MBNL2: variants seen among roughly 807,000 people sequenced by gnomAD.
The protein encoded by MBNL2 is muscleblind-like protein 2.
Under a neutral mutation model 41.9 loss-of-function variants are expected in MBNL2, and 17 were observed. The observed-to-expected ratio is 0.41, with a 90% CI of 0.28 to 0.61. The LOEUF (loss-of-function observed/expected upper bound fraction) is 0.61, where lower values mean the gene tolerates loss of function less well. MBNL2 is among the 20% of genes least tolerant of loss of function. MBNL2 has a pLI of 0.35. For missense variants in MBNL2, 336 were observed against 505.6 expected, an observed-to-expected ratio of 0.66 and a Z score of 3.22; for synonymous variants, 195 against 182.9, an observed-to-expected ratio of 1.07 and a Z score of -0.53.
At chr13:97,187,863 C>T in the MBNL2 span, among the ~76,000 whole-genome samples, 12 of 149,930 alleles carry the variant, frequency 8.0e-5, no homozygotes, top group Admixed American at 6.0e-4. Context: ...GAGCTGAGAT[C>T]GCGCCACCGC....
At chr13:97,293,510 A>C (rs1000268880) in intron 2 of MBNL2, among the ~76,000 whole-genome samples, 1 of 152,232 alleles carries the variant, frequency 6.6e-6, no homozygotes, top group Admixed American at 6.5e-5. Context: ...CTTAAGGTAC[A>C]AGGTTATATC....
chr13:97,222,196 T>A (rs893126189), upstream of MBNL2: 1 of 386,338 alleles, frequency 2.6e-6, no homozygotes, highest in African/African-American at 2.1e-5. Flanking sequence ...ACACTGCAAG[T>A]GCTGTGTTAC....
At chr13:97,212,969 C>T in the MBNL2 span, among the ~76,000 whole-genome samples, 200 of 152,240 alleles carry the variant, frequency 1.3e-3, no homozygotes, top group Admixed American at 2.2e-3. Context: ...CAGAAAAACC[C>T]GGGCAAATCT....
intron 8 of MBNL2, 66 bp from the exon 9 acceptor site, chr13:97,391,256 A>T (rs1354386268): frequency 1.3e-6 from 1 of 748,298 alleles, no homozygotes; most frequent in African/African-American, 1.8e-5. Context: ...TGAAGAGTAA[A>T]ACTTAAACTC....
the MBNL2 span, among the ~76,000 whole-genome samples, chr13:97,204,045 C>A: frequency 6.6e-6 from 1 of 152,158 alleles, no homozygotes; most frequent in African/African-American, 2.4e-5. Flanking sequence ...GTAGTTCAAT[C>A]CTTTTTAAGT....
chr13:97,276,418 A>G lies in MBNL2; in HGVS notation c.174+9A>G. The stretch of plus-strand genomic sequence containing the variant: ...GCTTTGATTCCCTAAAGGTAAGAGA[A>G]TGCGTTTTATGTGTCATTTCAATAC... On this transcript the variant is annotated intron_variant, in intron 2 of 8. Coordinates refer to ENST00000679496, the MANE Select transcript of MBNL2 (RefSeq NM_001382683.1). 6.2e-7 allele frequency: 1 copy of G among 1,612,756 alleles called. No homozygotes were observed. Among genetic ancestry groups the G allele is most frequent in the Non-Finnish European group, 8.5e-7 (1 of 1,178,852 alleles).
intron 2 of MBNL2, among the ~76,000 whole-genome samples, chr13:97,327,704 A>C (rs2060025762): frequency 6.6e-6 from 1 of 152,152 alleles, no homozygotes; most frequent in African/African-American, 2.4e-5. Context: ...GGCAAGTTTC[A>C]GCAGGGGAGA....
At chr13:97,182,610 G>A in the MBNL2 span, among the ~76,000 whole-genome samples, 3 of 152,146 alleles carry the variant, frequency 2.0e-5, no homozygotes, top group Non-Finnish European at 4.4e-5. Context: ...GTAAGACTTC[G>A]GGTTATCTTC....
intron 8 of MBNL2, among the ~76,000 whole-genome samples, chr13:97,386,642 C>T (rs1453187195): frequency 3.3e-5 from 5 of 152,194 alleles, no homozygotes; most frequent in African/African-American, 1.2e-4. Flanking sequence ...AATGGCTGCT[C>T]ATAACATATT....
chr13:97,144,107 GCA>G, the MBNL2 span, among the ~76,000 whole-genome samples: 3 of 152,168 alleles, frequency 2.0e-5, no homozygotes, highest in Non-Finnish European at 4.4e-5. Context: ...GCCTCCCAAA[GCA>G]CTAGGATTAC....
Position 97,343,039 on chromosome 13 carries a change from G to C in MBNL2, c.363G>C (p.Ala121=), listed in dbSNP as rs766867024. 6.2e-7 allele frequency: 1 copy of C among 1,613,040 alleles called. No individual in the cohort carries two copies. ...HPVPTFPVGP[A]IGTNTAISFA... is the part of the protein sequence containing the mutation. ...AGCCCACTTTCCCTGTAGGTCCCGC[G>C]ATAGGGACAAATACGGCTATTAGCT... Residue 121 remains alanine (A), a synonymous_variant, in exon 4 of 9, where the codon GCG becomes GCC. Transcript: ENST00000679496.
intron 8 of MBNL2, among the ~76,000 whole-genome samples, chr13:97,382,228 C>T (rs2065518077): frequency 6.6e-6 from 1 of 152,254 alleles, no homozygotes; most frequent in South Asian, 2.1e-4. Flanking sequence ...AGTTCTCCTA[C>T]AGAGACAGCC....
At chr13:97,307,360 A>G (rs2058217290) in intron 2 of MBNL2, among the ~76,000 whole-genome samples, 1 of 152,110 alleles carries the variant, frequency 6.6e-6, no homozygotes, top group Non-Finnish European at 1.5e-5. Context: ...CCAGTTGCTT[A>G]AAAGAGATGT....
At chr13:97,359,908 C>G (rs2063270651) in intron 7 of MBNL2, among the ~76,000 whole-genome samples, 1 of 152,130 alleles carries the variant, frequency 6.6e-6, no homozygotes, top group African/African-American at 2.4e-5. Context: ...TTAAAATAAT[C>G]TTTCTCCCGC....
the MBNL2 span, among the ~76,000 whole-genome samples, chr13:97,202,488 C>T: frequency 6.6e-6 from 1 of 152,148 alleles, no homozygotes; most frequent in East Asian, 1.9e-4. Flanking sequence ...ACGTAAGTCC[C>T]TTAGAATAGC....
Position 97,391,410 on chromosome 13 carries a change from T to C in MBNL2, c.1137T>C (p.Pro379=), listed in dbSNP as rs780776006. The change falls in exon 9 of 9, where the codon CCT becomes CCC. Residue 379 remains proline, a synonymous_variant. Coordinates refer to ENST00000679496, the MANE Select transcript of MBNL2 (RefSeq NM_001382683.1). ...ITKHCYCTYY[P]VSSSIELPQT... is the part of the protein sequence containing the mutation. ...AACATTGTTACTGTACATACTATCCTGTTTCCTCCTCAATAGAATTGCCAC... is the reference window on the plus strand; with the variant it reads ...AACATTGTTACTGTACATACTATCCCGTTTCCTCCTCAATAGAATTGCCAC... The C allele has an allele frequency of 1.3e-6, 2 of 1,545,950 alleles. No individual in the cohort carries two copies. The highest frequency in any genetic ancestry group is 2.2e-5 in the East Asian group (1 of 44,510).
At chr13:97,228,809 T>A (rs2152775701) in intron 1 of MBNL2, among the ~76,000 whole-genome samples, 1 of 152,100 alleles carries the variant, frequency 6.6e-6, no homozygotes, top group South Asian at 2.1e-4. Context: ...GGATTACAGG[T>A]GTGAGCCACT....
At chr13:97,248,414 C>T (rs201915395) in intron 1 of MBNL2, among the ~76,000 whole-genome samples, 1 of 152,218 alleles carries the variant, frequency 6.6e-6, no homozygotes, top group Admixed American at 6.5e-5. Flanking sequence ...GGATTACTGG[C>T]GTGAGCCACC....
chr13:97,188,429 C>T, the MBNL2 span, among the ~76,000 whole-genome samples: 27 of 152,112 alleles, frequency 1.8e-4, no homozygotes, highest in African/African-American at 6.3e-4. Flanking sequence ...GGAGATACAC[C>T]GGCTCTCCTT....
Sources: gnomAD v4.1 joint callset for allele counts (sites outside exome capture counted in the v4.1 genomes callset) on GRCh38, gnomAD v4.1.1 for gene constraint, MANE v1.5 for transcripts, NCBI Gene and HGNC (gene_info 2026-07-23, HGNC 2026-07-21) for gene names.